The following XKR9 variants were observed in gnomAD, a reference collection of about 807,000 sequenced individuals.
XKR9 encodes the protein XK-related protein 9.
In XKR9, 32 loss-of-function variants were observed where a neutral mutation model predicts 32.0. The observed-to-expected ratio is 1.00, with a 90% CI of 0.76 to 1.34. The LOEUF (loss-of-function observed/expected upper bound fraction) is 1.34, where lower values mean the gene tolerates loss of function less well. Ranked by LOEUF, XKR9 falls within the 40% of genes most tolerant of loss-of-function variation. XKR9 has a pLI of 0.00. For synonymous variants in XKR9, 168 were observed against 143.4 expected, an observed-to-expected ratio of 1.17 and a Z score of -1.22; for missense variants, 546 against 429.7, an observed-to-expected ratio of 1.27 and a Z score of -2.39.
chr8:70,980,772 A>C, the XKR9 span, among the ~76,000 whole-genome samples: 1 of 152,188 alleles, frequency 6.6e-6, no homozygotes, highest in African/African-American at 2.4e-5. Flanking sequence ...ATTTAGGTGT[A>C]ATTCAAGGAT....
chr8:70,974,971 G>T, the XKR9 span, among the ~76,000 whole-genome samples: 1 of 152,124 alleles, frequency 6.6e-6, no homozygotes. Context: ...GTTTTGATTT[G>T]CATTTCTCTG....
intron 2 of XKR9, among the ~76,000 whole-genome samples, chr8:70,758,546 C>G (rs549385625): frequency 6.6e-6 from 1 of 152,242 alleles, no homozygotes; most frequent in East Asian, 1.9e-4. Flanking sequence ...TTAATAATAA[C>G]TTTTTAAAAA....
At chr8:71,015,930 G>T in the XKR9 span, among the ~76,000 whole-genome samples, 5 of 152,152 alleles carry the variant, frequency 3.3e-5, no homozygotes, top group African/African-American at 1.2e-4. Context: ...ATAGAAAAGG[G>T]GTGCTGTGTA....
Position 70,707,145 on chromosome 8 carries a change from T to G in XKR9, c.485T>G (p.Phe162Cys), listed in dbSNP as rs769517358. Residue 162 changes from phenylalanine (F) to cysteine (C), a missense_variant, in exon 4 of 5, where the codon TTC becomes TGC. Coordinates refer to ENST00000408926, the MANE Select transcript of XKR9 (RefSeq NM_001011720.2). Reference sequence around the variant, plus strand: ...CTTCTGGAGCATGGACAAGCGAATTTCAGTCAGTGTAAGTTTTTCTTAACT... The same window carrying G: ...CTTCTGGAGCATGGACAAGCGAATTGCAGTCAGTGTAAGTTTTTCTTAACT... ...YILLEHGQANFSQYAAIMVSC... is the reference protein window; with the variant it reads ...YILLEHGQANCSQYAAIMVSC... 1 of 1,612,486 alleles carries G rather than the reference T, an allele frequency of 6.2e-7. No homozygotes were observed. The highest frequency in any genetic ancestry group is 1.3e-5 in the African/African-American group (1 of 74,904).
At chr8:70,866,118 G>A in the XKR9 span, among the ~76,000 whole-genome samples, 1 of 152,142 alleles carries the variant, frequency 6.6e-6, no homozygotes, top group Non-Finnish European at 1.5e-5. Flanking sequence ...CCTTTGTGTG[G>A]GATGCTTTGC....
intron 4 of XKR9, among the ~76,000 whole-genome samples, chr8:70,732,652 A>G (rs1806710759): frequency 6.6e-6 from 1 of 152,212 alleles, no homozygotes; most frequent in African/African-American, 2.4e-5. Context: ...TCTGTGCAGG[A>G]GACTGGAGTT....
chr8:70,921,092 G>A, the XKR9 span, among the ~76,000 whole-genome samples: 1 of 152,188 alleles, frequency 6.6e-6, no homozygotes, highest in African/African-American at 2.4e-5. Flanking sequence ...ATAAATGCAA[G>A]TCCTAATTGT....
At chr8:70,933,783 C>T in the XKR9 span, among the ~76,000 whole-genome samples, 1 of 151,984 alleles carries the variant, frequency 6.6e-6, no homozygotes, top group Non-Finnish European at 1.5e-5. Context: ...CTAGGGACTG[C>T]TCTACATCCA....
chr8:71,016,886 TA>T, the XKR9 span, among the ~76,000 whole-genome samples: 3 of 151,966 alleles, frequency 2.0e-5, no homozygotes, highest in East Asian at 5.8e-4. Context: ...GCCCTGAAAA[TA>T]AAATATGGAT....
the XKR9 span, among the ~76,000 whole-genome samples, chr8:71,014,485 G>A: frequency 6.6e-6 from 1 of 152,012 alleles, no homozygotes; most frequent in Non-Finnish European, 1.5e-5. Context: ...CTAATTTTTG[G>A]CTTTGTCATC....
chr8:71,059,692 G>A, the XKR9 span, among the ~76,000 whole-genome samples: 8 of 152,082 alleles, frequency 5.3e-5, no homozygotes, highest in African/African-American at 1.4e-4. Context: ...TCCACTCCCC[G>A]CCCAGTAACC....
chr8:70,915,283 G>T, the XKR9 span, among the ~76,000 whole-genome samples: 1 of 152,162 alleles, frequency 6.6e-6, no homozygotes, highest in African/African-American at 2.4e-5. Flanking sequence ...TGACTCCAGG[G>T]CCATAATTTC....
At chr8:70,884,171 A>T in the XKR9 span, among the ~76,000 whole-genome samples, 1 of 152,170 alleles carries the variant, frequency 6.6e-6, no homozygotes, top group Admixed American at 6.5e-5. Flanking sequence ...CTTGTTCATA[A>T]TCTGTACATC....
chr8:70,916,188 T>G, the XKR9 span, among the ~76,000 whole-genome samples: 1 of 152,216 alleles, frequency 6.6e-6, no homozygotes. Flanking sequence ...CGCTACCCTA[T>G]GAAGGATATA....
At chr8:70,972,669 A>G in the XKR9 span, among the ~76,000 whole-genome samples, 2 of 152,132 alleles carry the variant, frequency 1.3e-5, no homozygotes, top group Non-Finnish European at 2.9e-5. Context: ...GGTTTTAATC[A>G]TAAAGGATGG....
intron 3 of XKR9, among the ~76,000 whole-genome samples, chr8:70,686,163 G>T (rs1327330689): frequency 1.3e-5 from 2 of 150,972 alleles, no homozygotes; most frequent in African/African-American, 4.9e-5. Flanking sequence ...ATTTCACAGG[G>T]TACAGAATTC....
chr8:70,812,996 G>T, the XKR9 span, among the ~76,000 whole-genome samples: 1 of 152,094 alleles, frequency 6.6e-6, no homozygotes, highest in African/African-American at 2.4e-5. Context: ...TCAATCCTAA[G>T]CCAAAAGAAC....
chr8:70,982,696 G>A, the XKR9 span, among the ~76,000 whole-genome samples: 15 of 152,162 alleles, frequency 9.9e-5, 1 homozygote, highest in East Asian at 7.7e-4. Context: ...CCTACAAAGG[G>A]TCTGTGGATT....
chr8:70,915,244 G>A, the XKR9 span, among the ~76,000 whole-genome samples: 1 of 152,214 alleles, frequency 6.6e-6, no homozygotes, highest in African/African-American at 2.4e-5. Context: ...CAACTGGGGA[G>A]GTTGGGAATC....
Sources: allele counts gnomAD v4.1 joint callset (sites outside exome capture counted in the v4.1 genomes callset), GRCh38; gene constraint gnomAD v4.1.1; transcripts MANE v1.5; gene names NCBI Gene and HGNC (gene_info 2026-07-23, HGNC 2026-07-21).